KIAA1549L: variants seen among roughly 807,000 people sequenced by gnomAD.
KIAA1549L encodes the protein UPF0606 protein KIAA1549L.
Under a neutral mutation model 160.7 loss-of-function variants are expected in KIAA1549L, and 88 were observed. That is an observed-to-expected ratio of 0.55 (90% CI 0.46 to 0.65). The LOEUF (loss-of-function observed/expected upper bound fraction) is 0.65. Among genes scored for constraint, KIAA1549L ranks in the 30% least tolerant of loss-of-function variants. The pLI is 0.00. For synonymous variants in KIAA1549L, 950 were observed against 976.7 expected, an observed-to-expected ratio of 0.97 and a Z score of 0.51; for missense variants, 2,258 against 2,437.5, an observed-to-expected ratio of 0.93 and a Z score of 1.55.
intron 1 of KIAA1549L, among the ~76,000 whole-genome samples, chr11:33,449,277 A>G (rs545171603): frequency 6.6e-6 from 1 of 152,280 alleles, no homozygotes; most frequent in East Asian, 1.9e-4. Context: ...TGTTTCTGCA[A>G]AATGGATCCT....
At chr11:33,659,770 T>C (rs1201019285) in intron 19 of KIAA1549L, among the ~76,000 whole-genome samples, 1 of 152,238 alleles carries the variant, frequency 6.6e-6, no homozygotes, top group East Asian at 1.9e-4. Flanking sequence ...TTATTTCCTC[T>C]TGCTGGCAGG....
intron 8 of KIAA1549L, among the ~76,000 whole-genome samples, chr11:33,565,053 G>A (rs1855001674): frequency 6.6e-6 from 1 of 152,182 alleles, no homozygotes; most frequent in Non-Finnish European, 1.5e-5. Flanking sequence ...GGTGGCCAAG[G>A]CTGGGGGACC....
intron 1 of KIAA1549L, among the ~76,000 whole-genome samples, chr11:33,526,588 C>T (rs1014649886): frequency 6.6e-6 from 1 of 152,224 alleles, no homozygotes; most frequent in East Asian, 1.9e-4. Context: ...TCACTGCAGT[C>T]TGTCTCTCAG....
At chr11:33,607,956 C>T (rs577667875) in intron 14 of KIAA1549L, among the ~76,000 whole-genome samples, 1 of 152,302 alleles carries the variant, frequency 6.6e-6, no homozygotes, top group East Asian at 1.9e-4. Context: ...GAAGCTGAAG[C>T]TTGAGGGGTC....
intron 12 of KIAA1549L, among the ~76,000 whole-genome samples, chr11:33,595,670 C>G (rs1044118333): frequency 6.6e-6 from 1 of 152,150 alleles, no homozygotes; most frequent in African/African-American, 2.4e-5. Context: ...TTCAAAACAT[C>G]AAAGTCAAGA....
chr11:33,485,055 A>G (rs555074144), intron 1 of KIAA1549L, among the ~76,000 whole-genome samples: 2 of 152,266 alleles, frequency 1.3e-5, no homozygotes, highest in Non-Finnish European at 1.5e-5. Flanking sequence ...AGGGGTAGAC[A>G]TAGCCTCTTT....
chr11:33,604,599 C>A (rs545917212), intron 13 of KIAA1549L, among the ~76,000 whole-genome samples: 1 of 152,248 alleles, frequency 6.6e-6, no homozygotes, highest in South Asian at 2.1e-4. Context: ...TATATATACA[C>A]CATGGAATAC....
chr11:33,589,428 T>C (rs921233445), intron 11 of KIAA1549L, among the ~76,000 whole-genome samples: 2 of 152,190 alleles, frequency 1.3e-5, no homozygotes, highest in Non-Finnish European at 2.9e-5. Context: ...ACCCAAAGGA[T>C]TATAAATGAT....
Position 33,388,042 on chromosome 11 carries a change from T to G in KIAA1549L, c.238+11153T>G, listed in dbSNP as rs754451681. Among the ~76,000 whole-genome samples the G allele has an allele frequency of 2.4e-4, 37 of 152,330 alleles. 1 individual carries two copies. Among genetic ancestry groups the G allele is most frequent in the South Asian group, 6.2e-4 (3 of 4,826 alleles). Reference sequence around the variant, plus strand: ...ATTATGAAAGTAATATATATTTTATTAAATTCAAGCAATACTCAGGTAGAT... The same window carrying G: ...ATTATGAAAGTAATATATATTTTATGAAATTCAAGCAATACTCAGGTAGAT... On this transcript the variant is annotated intron_variant, in intron 1 of 20. Transcript: ENST00000658780.
chr11:33,505,913 G>C (rs192362896), intron 1 of KIAA1549L, among the ~76,000 whole-genome samples: 1 of 152,270 alleles, frequency 6.6e-6, no homozygotes, highest in African/African-American at 2.4e-5. Context: ...CTCACCATGT[G>C]CTAAGCTAAT....
At chr11:33,483,709 A>C (rs1852460997) in intron 1 of KIAA1549L, among the ~76,000 whole-genome samples, 1 of 152,142 alleles carries the variant, frequency 6.6e-6, no homozygotes, top group Non-Finnish European at 1.5e-5. Flanking sequence ...CGTGGTAGTG[A>C]ATAAGTCTTA....
At chr11:33,525,551 G>A (rs1356271072) in intron 1 of KIAA1549L, among the ~76,000 whole-genome samples, 6 of 149,664 alleles carry the variant, frequency 4.0e-5, no homozygotes, top group South Asian at 4.3e-4. Flanking sequence ...TAATAATTTC[G>A]ACCTAAGCAT....
chr11:33,569,678 T>C (rs1018419835), intron 9 of KIAA1549L, among the ~76,000 whole-genome samples: 6 of 152,348 alleles, frequency 3.9e-5, no homozygotes, highest in Non-Finnish European at 7.3e-5. Flanking sequence ...TTGGTGAATT[T>C]GGCCGTTTGT....
At chr11:33,399,464 T>C (rs1331072379) in intron 1 of KIAA1549L, among the ~76,000 whole-genome samples, 2 of 152,192 alleles carry the variant, frequency 1.3e-5, no homozygotes, top group Non-Finnish European at 2.9e-5. Flanking sequence ...TAGTTTTCTC[T>C]TTCAGATAAG....
intron 6 of KIAA1549L, among the ~76,000 whole-genome samples, chr11:33,552,983 A>G (rs551187474): frequency 2.6e-5 from 4 of 152,174 alleles, no homozygotes; most frequent in African/African-American, 9.6e-5. Context: ...CCCAGGGAAA[A>G]TCCCTGGGAA....
intron 1 of KIAA1549L, among the ~76,000 whole-genome samples, chr11:33,520,365 A>C (rs1480552266): frequency 2.0e-5 from 3 of 152,072 alleles, no homozygotes; most frequent in African/African-American, 7.2e-5. Context: ...GATTGCACAT[A>C]TAAGTGAGCT....
At chr11:33,384,240 T>C (rs1850129198) in intron 1 of KIAA1549L, among the ~76,000 whole-genome samples, 1 of 152,248 alleles carries the variant, frequency 6.6e-6, no homozygotes, top group African/African-American at 2.4e-5. Context: ...TATATAACAT[T>C]TTGCATTTGG....
At chr11:33,664,796 A>T (rs1034040126) in intron 20 of KIAA1549L, among the ~76,000 whole-genome samples, 6 of 152,220 alleles carry the variant, frequency 3.9e-5, no homozygotes, top group African/African-American at 1.4e-4. Context: ...TCTGTTGTTT[A>T]TAAGCTCCCC....
rs555974076 is a variant in KIAA1549L at position 33,639,689 on chromosome 11, G to A, written c.5410-5997G>A. Reference sequence around the variant, plus strand: ...GGAGTAGCTGGGATCACAGGCGCGCGCTACCTCGCCTGGCTAATTTTTCTA... The same window carrying A: ...GGAGTAGCTGGGATCACAGGCGCGCACTACCTCGCCTGGCTAATTTTTCTA... On this transcript the variant is annotated intron_variant, in intron 16 of 20. Transcript: ENST00000658780. Among the ~76,000 whole-genome samples the A allele has an allele frequency of 4.6e-5, 7 of 152,232 alleles. 1 individual carries two copies. In the East Asian group the frequency reaches 9.7e-4, roughly 21 times the overall value.
Sources: allele counts gnomAD v4.1 joint callset (sites outside exome capture counted in the v4.1 genomes callset), GRCh38; gene constraint gnomAD v4.1.1; transcripts MANE v1.5; gene names NCBI Gene and HGNC (gene_info 2026-07-23, HGNC 2026-07-21).